HERC2: variants seen among roughly 807,000 people sequenced by gnomAD.
HERC2 encodes the protein E3 ubiquitin-protein ligase HERC2.
HERC2 carries 102 observed loss-of-function variants against 537.7 expected under a neutral mutation model. The observed-to-expected ratio is 0.19, with a 90% CI of 0.16 to 0.22. HERC2 has a LOEUF of 0.22. Among genes scored for constraint, HERC2 ranks in the 10% least tolerant of loss-of-function variants. The pLI is 1.00. For missense variants in HERC2, 4,236 were observed against 6,198.2 expected, an observed-to-expected ratio of 0.68 and a Z score of 10.63; for synonymous variants, 2,224 against 2,466.2, an observed-to-expected ratio of 0.90 and a Z score of 2.91.
At chr15:28,226,818 C>G (rs1292289392) in intron 35 of HERC2, among the ~76,000 whole-genome samples, 3 of 152,178 alleles carry the variant, frequency 2.0e-5, no homozygotes, top group South Asian at 2.1e-4. Context: ...AGAAAATACC[C>G]TCAAATGATA....
rs550241870 is a variant in HERC2, at chr15:28,309,553, A to G, written c.73-10037T>C. Reference sequence around the variant, plus strand: ...CACCGTCCTGAAGGGATGGTCTTCAATTTGAAGAAGCAAGCAGCCAATGAA... The same window carrying G: ...CACCGTCCTGAAGGGATGGTCTTCAGTTTGAAGAAGCAAGCAGCCAATGAA... On this transcript the variant is annotated intron_variant, in intron 2 of 92. Transcript: ENST00000261609. 1.4e-4 allele frequency among the ~76,000 whole-genome samples: 21 copies of G among 152,222 alleles called. No homozygotes were observed. The South Asian group carries it at 4.2e-3, about 30-fold the overall frequency.
intron 78 of HERC2, among the ~76,000 whole-genome samples, chr15:28,136,615 C>G (rs983180843): frequency 6.7e-6 from 1 of 149,602 alleles, no homozygotes; most frequent in Non-Finnish European, 1.5e-5. Flanking sequence ...TTCATAACTA[C>G]AACAGGAGTT....
At chr15:28,264,362 C>T (rs918011422) in intron 14 of HERC2, among the ~76,000 whole-genome samples, 1 of 152,156 alleles carries the variant, frequency 6.6e-6, no homozygotes, top group African/African-American at 2.4e-5. Flanking sequence ...CTGGAGATGA[C>T]GCACTATTAC....
chr15:28,207,443 T>A (rs529677095), intron 44 of HERC2, among the ~76,000 whole-genome samples: 10 of 152,266 alleles, frequency 6.6e-5, no homozygotes, highest in African/African-American at 2.4e-4. Context: ...ACCTACACAC[T>A]CTCTTTCGTG....
In HERC2 at chr15:28,256,005, G is replaced by T. The variant is rs376308925; in HGVS notation, c.2747-9C>A. 2 of 1,605,516 alleles carry T rather than the reference G, an allele frequency of 1.2e-6. No individual in the cohort carries two copies. Among genetic ancestry groups the T allele is most frequent in the East Asian group, 2.2e-5 (1 of 44,886 alleles). On this transcript the variant is annotated splice_polypyrimidine_tract_variant and intron_variant, in intron 18 of 92. Transcript: ENST00000261609. The stretch of plus-strand genomic sequence containing the variant: ...CACTTCATTGCCTGAAACTGAAATA[G>T]AAAGTGTGTGCCAATTTGAGTGAAA...
Position 28,124,236 on chromosome 15 carries a change from T to C in HERC2, c.12991-2A>G. 1 of 1,455,418 alleles carries C rather than the reference T, an allele frequency of 6.9e-7. No homozygotes were observed. The highest frequency in any genetic ancestry group is 9.1e-7 in the Non-Finnish European group (1 of 1,096,278). The allele number at this position is 1,455,418 out of a possible 1,614,324, so 90.2% of individuals were successfully genotyped here. On this transcript the variant is annotated splice_acceptor_variant, in intron 84 of 92. Transcript: ENST00000261609. LOFTEE classifies it high-confidence loss of function. ...CAGGTGATTGTACTCCATGGGGACC[T>C]AGAACACAGAAATGGCCTTCAGCCC...
At chr15:28,182,033 CAG>C (rs896606441) in intron 57 of HERC2, among the ~76,000 whole-genome samples, 1 of 152,174 alleles carries the variant, frequency 6.6e-6, no homozygotes. Context: ...ACCTGGAGGA[CAG>C]AGACAACAAT....
In HERC2 at chr15:28,220,843, C is replaced by T. The variant is rs530694998; in HGVS notation, c.5653-199G>A. Among the ~76,000 whole-genome samples, 31 of 149,066 alleles carry T rather than the reference C, an allele frequency of 2.1e-4. 1 individual carries two copies. The East Asian group carries it at 3.3e-3, about 16-fold the overall frequency. On this transcript the variant is annotated intron_variant, in intron 36 of 92. Transcript: ENST00000261609. ...CCACCAGACCTCAGTTAGGAGGGTG[C>T]GTGCCCTGCCCTGGTCCTTCCATGG...
chr15:28,199,892 G>A (rs1303868483), intron 48 of HERC2, among the ~76,000 whole-genome samples: 1 of 152,194 alleles, frequency 6.6e-6, no homozygotes, highest in African/African-American at 2.4e-5. Context: ...GACATTTGGA[G>A]GACATGGTTT....
chr15:28,257,154 C>T lies in HERC2; in HGVS notation c.2424G>A (p.Gln808=). Residue 808 remains glutamine, a synonymous_variant, in exon 17 of 93, where the codon CAG becomes CAA. Coordinates refer to ENST00000261609, the MANE Select transcript of HERC2 (RefSeq NM_004667.6). ...CGGAACCATCCATCCCCTCACTCAC[C>T]TGCCGAAGCAGGAGATCCAGCTGCT... ...TFEQLDLLLR[Q]VSEGMDGSAD... 4 of 1,613,936 alleles carry T rather than the reference C, an allele frequency of 2.5e-6. No homozygotes were observed. The highest frequency in any genetic ancestry group is 3.4e-6 in the Non-Finnish European group (4 of 1,179,824).
chr15:28,147,587 C>T (rs758022435), intron 70 of HERC2, among the ~76,000 whole-genome samples: 4 of 152,066 alleles, frequency 2.6e-5, no homozygotes, highest in South Asian at 4.2e-4. Context: ...TAGTGAGCCA[C>T]GATCGTGCTA....
At position 28,280,234 on chromosome 15, in the gene HERC2, G is replaced by C; in HGVS notation, c.376C>G (p.Leu126Val). The change falls in exon 5 of 93, where the codon CTG (leucine) becomes GTG (valine). Residue 126 changes from leucine (L) to valine (V), a missense_variant. Leu to Val is a conservative substitution (Grantham distance 32, BLOSUM62 1). Transcript: ENST00000261609. ...LSVLVKEQQA[L>V]AVQSATTTLS... is the part of the protein sequence containing the mutation. ...GTGGTGGTGGCTGACTGGACGGCCA[G>C]GGCCTGCTGCTCTTTAACCAGCACA... is the stretch of plus-strand genomic sequence containing the variant. 1 of 1,614,148 alleles carries C rather than the reference G, an allele frequency of 6.2e-7. No homozygotes were observed. Among genetic ancestry groups the C allele is most frequent in the South Asian group, 1.1e-5 (1 of 91,074 alleles).
intron 21 of HERC2, among the ~76,000 whole-genome samples, chr15:28,247,421 CTTTTTTTTT>C (rs71132843): frequency 1.3e-5 from 1 of 76,182 alleles, no homozygotes; most frequent in African/African-American, 5.2e-5. Context: ...CTACATGGTT[CTTTTTTTTT>C]TTTTTTTTTT....
chr15:28,219,695 T>A (rs556278186), intron 37 of HERC2, among the ~76,000 whole-genome samples: 5 of 152,168 alleles, frequency 3.3e-5, no homozygotes, highest in Non-Finnish European at 7.4e-5. Context: ...TGAGTACACC[T>A]TCTAAGATCT....
intron 86 of HERC2, among the ~76,000 whole-genome samples, chr15:28,119,470 T>G (rs1250509345): frequency 1.4e-5 from 2 of 147,242 alleles, no homozygotes; most frequent in Non-Finnish European, 3.0e-5. Context: ...TTTGTTTGCT[T>G]TGAGACAGTG....
At chr15:28,277,728 G>A (rs1308825560) in intron 5 of HERC2, among the ~76,000 whole-genome samples, 1 of 152,168 alleles carries the variant, frequency 6.6e-6, no homozygotes. Context: ...AAGGAAGAAA[G>A]AACCATGGCA....
chr15:28,152,129 C>T (rs1249856105), intron 70 of HERC2, among the ~76,000 whole-genome samples: 1 of 152,150 alleles, frequency 6.6e-6, no homozygotes, highest in East Asian at 1.9e-4. Flanking sequence ...TATGGGCCTC[C>T]GAATCGGGCA....
chr15:28,124,714 T>C (rs1889284434), intron 84 of HERC2, among the ~76,000 whole-genome samples: 1 of 152,176 alleles, frequency 6.6e-6, no homozygotes, highest in Non-Finnish European at 1.5e-5. Context: ...TGCATGCCAC[T>C]ATGCCTGACT....
At chr15:28,197,898 C>CTT (rs1897505162) in intron 50 of HERC2, among the ~76,000 whole-genome samples, 1 of 152,188 alleles carries the variant, frequency 6.6e-6, no homozygotes, top group South Asian at 2.1e-4. Context: ...CCTACTTAAC[C>CTT]ATGTGTGATT....
Sources: gnomAD v4.1 joint callset for allele counts (sites outside exome capture counted in the v4.1 genomes callset) on GRCh38, gnomAD v4.1.1 for gene constraint, MANE v1.5 for transcripts, NCBI Gene and HGNC (gene_info 2026-07-23, HGNC 2026-07-21) for gene names.